The following HMCN1 variants were observed in gnomAD, a reference collection of about 807,000 sequenced individuals.
HMCN1 encodes the protein hemicentin 1, also known as hemicentin-1.
HMCN1 carries 321 observed loss-of-function variants against 625.9 expected under a neutral mutation model. The observed-to-expected ratio is 0.51, with a 90% confidence interval of 0.47 to 0.56. The LOEUF (loss-of-function observed/expected upper bound fraction) is 0.56. Ranked by LOEUF, HMCN1 falls within the 20% of genes least tolerant of loss-of-function variation. The probability of loss-of-function intolerance (pLI) is 0.00; values close to 1 mark genes in which losing one functional copy is unlikely to be tolerated. For missense variants in HMCN1, 6,588 were observed against 6,887.3 expected (o/e 0.96, Z 1.54); for synonymous variants, 2,425 against 2,417.6 (o/e 1.00, Z -0.09).
At chr1:186,123,665 A>G (rs868160627) in intron 81 of HMCN1, among the ~76,000 whole-genome samples, 1 of 152,186 alleles carries the variant, frequency 6.6e-6, no homozygotes. Flanking sequence ...AAAATATTAC[A>G]TGTATATTTT....
At chr1:186,157,855 G>C (rs1651135498) in intron 97 of HMCN1, among the ~76,000 whole-genome samples, 1 of 152,044 alleles carries the variant, frequency 6.6e-6, no homozygotes. Context: ...GGACATTTGG[G>C]TTGGTTCCAA....
intron 1 of HMCN1, among the ~76,000 whole-genome samples, chr1:185,745,893 G>C (rs1163370084): frequency 6.6e-6 from 1 of 152,164 alleles, no homozygotes; most frequent in Non-Finnish European, 1.5e-5. Flanking sequence ...GAAAAGGAAG[G>C]AGACAGGATA....
In HMCN1 at chr1:186,016,184, C is replaced by T. The variant is rs747541664; in HGVS notation, c.5136C>T (p.Cys1712=). ...AQEIDRGQYI[C]VATSVAGEKE... ...AAATTGATCGAGGACAGTACATATGCGTGGCTACCAGTGTGGCAGGAGAAA... is the reference window on the plus strand; with the variant it reads ...AAATTGATCGAGGACAGTACATATGTGTGGCTACCAGTGTGGCAGGAGAAA... Residue 1712 remains cysteine, a synonymous_variant, in exon 32 of 107, where the codon TGC becomes TGT. Coordinates refer to ENST00000271588, the MANE Select transcript of HMCN1 (RefSeq NM_031935.3). 25 of 1,613,156 alleles carry T rather than the reference C, an allele frequency of 1.5e-5. No homozygotes were observed. Among genetic ancestry groups the T allele is most frequent in the African/African-American group, 6.7e-5 (5 of 74,838 alleles).
chr1:185,919,499 A>G (rs551423851), intron 6 of HMCN1, among the ~76,000 whole-genome samples: 1 of 152,220 alleles, frequency 6.6e-6, no homozygotes, highest in Non-Finnish European at 1.5e-5. Flanking sequence ...GTCAGAAAGC[A>G]CCTTGTGCTT....
At chr1:185,862,919 A>T (rs1662960818) in intron 2 of HMCN1, among the ~76,000 whole-genome samples, 1 of 152,208 alleles carries the variant, frequency 6.6e-6, no homozygotes, top group African/African-American at 2.4e-5. Context: ...TATTTAACAA[A>T]TAATGCTCAA....
intron 80 of HMCN1, 129 bp downstream of exon 80, chr1:186,120,274 C>T: frequency 1.9e-6 from 2 of 1,049,890 alleles, no homozygotes; most frequent in Non-Finnish European, 2.8e-6. Context: ...TTTGCATTAT[C>T]CTATTGGTTT....
At chr1:186,157,044 A>G (rs1416862437) in intron 97 of HMCN1, among the ~76,000 whole-genome samples, 2 of 152,212 alleles carry the variant, frequency 1.3e-5, no homozygotes, top group Admixed American at 6.5e-5. Flanking sequence ...TAGCAATTCT[A>G]GTAGAAATGG....
At chr1:185,771,962 C>T (rs1433256398) in intron 1 of HMCN1, among the ~76,000 whole-genome samples, 2 of 151,972 alleles carry the variant, frequency 1.3e-5, no homozygotes. Flanking sequence ...ATAGAAGTAA[C>T]CAAAAATGAA....
intron 1 of HMCN1, among the ~76,000 whole-genome samples, chr1:185,794,500 A>G (rs61424167): frequency 0.082 from 12,284 of 149,606 alleles, 1,667 homozygotes; most frequent in African/African-American, 0.29. Context: ...AGAAAAAAAA[A>G]GAAAAAAAAG....
rs765459643 is a variant in HMCN1, at chr1:185,933,545, A to C, written c.1553-4A>C. On this transcript the variant is annotated splice_region_variant and splice_polypyrimidine_tract_variant and intron_variant, in intron 10 of 106. Transcript: ENST00000271588. ...CTTGATTTGAATTTTTTGATTTCAC[A>C]CAGAGCCCCCTCCGGTCATCCAAGT... 6.2e-7 allele frequency: 1 copy of C among 1,613,872 alleles called. No homozygotes were observed. The highest frequency in any genetic ancestry group is 8.5e-7 in the Non-Finnish European group (1 of 1,179,848).
At chr1:186,147,161 C>T (rs1217161486) in intron 93 of HMCN1, among the ~76,000 whole-genome samples, 1 of 152,172 alleles carries the variant, frequency 6.6e-6, no homozygotes, top group Non-Finnish European at 1.5e-5. Context: ...TGTGGCAAGC[C>T]ACTACCCACA....
rs1054465348 is a variant in HMCN1, at chr1:186,084,410, G to A, written c.8884+1449G>A. ...CCAATAAGGATTGGAGTTCAGAAAT[G>A]TGTTTCTTCTTTCACCAGTTAATGA... On this transcript the variant is annotated intron_variant, in intron 57 of 106. Transcript: ENST00000271588. 2.0e-5 allele frequency among the ~76,000 whole-genome samples: 3 copies of A among 152,132 alleles called. No individual in the cohort carries two copies. In the South Asian group the frequency reaches 6.2e-4, roughly 32 times the overall value.
intron 75 of HMCN1, 70 bp from the exon 76 acceptor site, chr1:186,116,924 T>C (rs1387879905): frequency 6.4e-7 from 1 of 1,556,032 alleles, no homozygotes; most frequent in Non-Finnish European, 8.8e-7. Context: ...CATGGTACCA[T>C]GTTAAACTAG....
intron 1 of HMCN1, among the ~76,000 whole-genome samples, chr1:185,791,259 G>A (rs963322702): frequency 2.6e-5 from 4 of 152,038 alleles, no homozygotes; most frequent in African/African-American, 7.3e-5. Flanking sequence ...TACATAGTAG[G>A]CCCTCAATAA....
chr1:185,855,839 GGATTTC>G (rs1358999352), intron 2 of HMCN1, among the ~76,000 whole-genome samples: 48 of 152,132 alleles, frequency 3.2e-4, no homozygotes, highest in African/African-American at 1.1e-3. Flanking sequence ...GCTTTAATTT[GGATTTC>G]ACCTTCTTTG....
At position 185,815,611 on chromosome 1, in the gene HMCN1, A is replaced by G. The variant is rs1659796950; in HGVS notation, c.269-30415A>G. ...AATTTTGATATTTAGTGTTAAAAGCATAAGACCAAGAGTTCTAGGTCTTAA... is the reference window on the plus strand; with the variant it reads ...AATTTTGATATTTAGTGTTAAAAGCGTAAGACCAAGAGTTCTAGGTCTTAA... On this transcript the variant is annotated intron_variant, in intron 1 of 106. Coordinates refer to ENST00000271588, the MANE Select transcript of HMCN1 (RefSeq NM_031935.3). Among the ~76,000 whole-genome samples, 2 of 150,020 alleles carry G rather than the reference A, an allele frequency of 1.3e-5. 1 individual carries two copies. The highest frequency in any genetic ancestry group is 5.1e-5 in the African/African-American group (2 of 39,380).
intron 21 of HMCN1, 110 bp downstream of exon 21, chr1:185,989,757 C>T: frequency 1.1e-6 from 1 of 913,472 alleles, no homozygotes; most frequent in Non-Finnish European, 1.7e-6. Flanking sequence ...AAGTGAACTG[C>T]TCCCCCAGAT....
chr1:185,990,678 T>G lies in HMCN1; in HGVS notation c.3377+235T>G, dbSNP rs189720032. Among the ~76,000 whole-genome samples, 28 of 152,322 alleles carry G rather than the reference T, an allele frequency of 1.8e-4. No individual in the cohort carries two copies. The East Asian group carries it at 4.8e-3, about 26-fold the overall frequency. On this transcript the variant is annotated intron_variant, in intron 22 of 106. Transcript: ENST00000271588. ...GCCATAATTTTTCCCTGGTGCATTTTATAAGGTAGTTATTAAAATGGAGCA... is the reference window on the plus strand; with the variant it reads ...GCCATAATTTTTCCCTGGTGCATTTGATAAGGTAGTTATTAAAATGGAGCA...
At chr1:185,925,769 A>G (rs1667244958) in intron 9 of HMCN1, among the ~76,000 whole-genome samples, 1 of 152,224 alleles carries the variant, frequency 6.6e-6, no homozygotes, top group Admixed American at 6.5e-5. Context: ...ATGATCAAAA[A>G]GGTATCCAGA....
Sources: allele counts gnomAD v4.1 joint callset (sites outside exome capture counted in the v4.1 genomes callset), GRCh38; gene constraint gnomAD v4.1.1; transcripts MANE v1.5; gene names NCBI Gene and HGNC (gene_info 2026-07-23, HGNC 2026-07-21).